Variants in NRG1 observed in about 807,000 individuals in gnomAD.
The protein encoded by NRG1 is neuregulin 1, also known as pro-neuregulin-1, membrane-bound isoform.
NRG1 carries 18 observed loss-of-function variants against 63.8 expected under a neutral mutation model. The observed-to-expected ratio is 0.28, with a 90% CI of 0.19 to 0.42. NRG1 has a LOEUF of 0.42. Among genes scored for constraint, NRG1 ranks in the 10% least tolerant of loss-of-function variants. The pLI is 1.00. For missense variants in NRG1, 762 were observed against 814.7 expected (o/e 0.94, Z 0.79); for synonymous variants, 302 against 301.3 (o/e 1.00, Z -0.02).
intron 1 of NRG1, among the ~76,000 whole-genome samples, chr8:32,464,418 CAT>C (rs1289727138): frequency 6.6e-6 from 1 of 151,906 alleles, no homozygotes; most frequent in Non-Finnish European, 1.5e-5. Context: ...CACTCTTCCA[CAT>C]AGTCACAGCA....
intron 1 of NRG1, among the ~76,000 whole-genome samples, chr8:31,752,273 G>C (rs756431973): frequency 4.6e-5 from 7 of 152,090 alleles, no homozygotes; most frequent in Non-Finnish European, 8.8e-5. Context: ...TGCTTGGGAT[G>C]CTCAAAGACC....
At chr8:32,584,330 C>G (rs75918844) in intron 1 of NRG1, among the ~76,000 whole-genome samples, 3,262 of 152,276 alleles carry the variant, frequency 0.021, 49 homozygotes, top group Middle Eastern at 0.058. Context: ...CTTCCCTGAT[C>G]TTCCTGTGGG....
At chr8:31,696,004 G>T (rs755382608) in intron 1 of NRG1, among the ~76,000 whole-genome samples, 1 of 134,852 alleles carries the variant, frequency 7.4e-6, no homozygotes, top group African/African-American at 4.0e-5. Context: ...TTCTTTTAAG[G>T]ATTAAAAGAT....
intron 1 of NRG1, among the ~76,000 whole-genome samples, chr8:32,293,838 C>T (rs1257631151): frequency 4.6e-5 from 7 of 151,316 alleles, no homozygotes; most frequent in Non-Finnish European, 1.0e-4. Context: ...CCCACCTCAG[C>T]CTCCCAAGCA....
intron 1 of NRG1, among the ~76,000 whole-genome samples, chr8:32,413,374 G>T (rs1815384158): frequency 6.6e-6 from 1 of 152,136 alleles, no homozygotes; most frequent in Non-Finnish European, 1.5e-5. Flanking sequence ...AGCCTGAGGA[G>T]AGATGGTAAC....
At chr8:32,096,457 C>G (rs1170266038) in intron 1 of NRG1, among the ~76,000 whole-genome samples, 2 of 152,114 alleles carry the variant, frequency 1.3e-5, no homozygotes, top group Non-Finnish European at 2.9e-5. Flanking sequence ...TTCTAGCTAT[C>G]TGGAAATATA....
chr8:31,975,082 A>G (rs1399240493), intron 1 of NRG1, among the ~76,000 whole-genome samples: 1 of 152,146 alleles, frequency 6.6e-6, no homozygotes, highest in Admixed American at 6.5e-5. Context: ...CTGTGTTTCC[A>G]TGCAAATAAT....
At chr8:32,384,052 T>G (rs547642592) in intron 1 of NRG1, among the ~76,000 whole-genome samples, 80 of 152,142 alleles carry the variant, frequency 5.3e-4, no homozygotes, top group Non-Finnish European at 1.0e-3. Context: ...CTAGGCAACA[T>G]AGGGAGAACT....
chr8:32,746,497 T>G (rs1827460065), intron 7 of NRG1, among the ~76,000 whole-genome samples: 1 of 152,206 alleles, frequency 6.6e-6, no homozygotes, highest in Non-Finnish European at 1.5e-5. Context: ...GTTCTATTGT[T>G]CTTTCCTTTA....
chr8:32,314,524 T>C (rs1291125096), intron 1 of NRG1, among the ~76,000 whole-genome samples: 3 of 152,238 alleles, frequency 2.0e-5, no homozygotes, highest in Non-Finnish European at 4.4e-5. Context: ...AAAGCTGTTC[T>C]GTAATACAGA....
chr8:32,514,938 G>GAGCACAGTACC (rs1260720989), intron 1 of NRG1, among the ~76,000 whole-genome samples: 11 of 151,094 alleles, frequency 7.3e-5, no homozygotes, highest in Admixed American at 1.3e-4. Flanking sequence ...CCCAGGTAAT[G>GAGCACAGTACC]CAAGCAACAT....
chr8:31,973,466 G>C (rs779506072), intron 1 of NRG1, among the ~76,000 whole-genome samples: 4 of 152,208 alleles, frequency 2.6e-5, no homozygotes, highest in Non-Finnish European at 5.9e-5. Context: ...ATTGAGAAGG[G>C]AGTAGAGAGA....
intron 1 of NRG1, among the ~76,000 whole-genome samples, chr8:31,873,003 G>C (rs2129611787): frequency 6.6e-6 from 1 of 152,048 alleles, no homozygotes; most frequent in Non-Finnish European, 1.5e-5. Flanking sequence ...ATCAAATAAT[G>C]GTACATAATT....
chr8:31,858,307 A>G (rs1010194019), intron 1 of NRG1, among the ~76,000 whole-genome samples: 9 of 152,130 alleles, frequency 5.9e-5, no homozygotes, highest in Non-Finnish European at 1.2e-4. Flanking sequence ...TCAAAAAAAA[A>G]AAAACAAGTG....
chr8:31,746,712 C>T (rs1251511042), intron 1 of NRG1, among the ~76,000 whole-genome samples: 4 of 151,876 alleles, frequency 2.6e-5, no homozygotes, highest in Admixed American at 6.6e-5. Context: ...CGCTCTCATG[C>T]GTGTTGCAGC....
chr8:31,786,766 G>A (rs1026434701), intron 1 of NRG1, among the ~76,000 whole-genome samples: 2 of 152,162 alleles, frequency 1.3e-5, no homozygotes, highest in Non-Finnish European at 2.9e-5. Flanking sequence ...AGGCATGGGT[G>A]GTGGGGGACA....
intron 1 of NRG1, among the ~76,000 whole-genome samples, chr8:32,562,210 C>G (rs546130079): frequency 2.0e-5 from 3 of 151,980 alleles, no homozygotes; most frequent in South Asian, 2.1e-4. Context: ...GGGGCCCATC[C>G]AAAAAGCTGG....
At chr8:32,459,368 T>C (rs1822016748) in intron 1 of NRG1, among the ~76,000 whole-genome samples, 1 of 152,220 alleles carries the variant, frequency 6.6e-6, no homozygotes, top group South Asian at 2.1e-4. Flanking sequence ...TCTAAGCTAT[T>C]ATACTCTCTT....
chr8:32,647,258 G>A, intron 5 of NRG1: 21 of 985,304 alleles, frequency 2.1e-5, no homozygotes, highest in Non-Finnish European at 2.3e-5. Flanking sequence ...TGCCGCCGCC[G>A]CCACCGCCGC....
Sources: gnomAD v4.1 joint callset for allele counts (sites outside exome capture counted in the v4.1 genomes callset) on GRCh38, gnomAD v4.1.1 for gene constraint, MANE v1.5 for transcripts, NCBI Gene and HGNC (gene_info 2026-07-23, HGNC 2026-07-21) for gene names.